The following KATNA1 variants were observed in gnomAD, a reference collection of about 807,000 sequenced individuals.
KATNA1 encodes the protein katanin p60 ATPase-containing subunit A1.
A neutral mutation model predicts 62.6 loss-of-function variants in KATNA1; 42 were observed. The ratio of observed to expected loss-of-function variants is 0.67; its 90% CI spans 0.52 to 0.87. The LOEUF (loss-of-function observed/expected upper bound fraction) is 0.87. Ranked by LOEUF, KATNA1 falls within the 40% of genes least tolerant of loss-of-function variation. The pLI, the probability that KATNA1 is intolerant of heterozygous loss-of-function variation, is 0.00. For missense variants in KATNA1, 498 were observed against 612.5 expected (o/e 0.81, Z 1.97); for synonymous variants, 186 against 201.9 (o/e 0.92, Z 0.67).
chr6:149,596,379 A>G (rs1367519411), intron 10 of KATNA1, among the ~76,000 whole-genome samples: 1 of 152,154 alleles, frequency 6.6e-6, no homozygotes, highest in Non-Finnish European at 1.5e-5. Context: ...TACTAAAAAT[A>G]CAAAAATTAG....
At chr6:149,639,989 T>C (rs1234410410) in intron 1 of KATNA1, among the ~76,000 whole-genome samples, 1 of 152,216 alleles carries the variant, frequency 6.6e-6, no homozygotes, top group Non-Finnish European at 1.5e-5. Flanking sequence ...AGAAGGCGTA[T>C]GTATTTTGAA....
At chr6:149,632,671 G>A (rs1277238035) in intron 3 of KATNA1, 88 bp downstream of exon 3, 3 of 1,114,592 alleles carry the variant, frequency 2.7e-6, no homozygotes, top group Non-Finnish European at 2.5e-6. Flanking sequence ...TCCCATTCCT[G>A]TCTCTCAGCC....
At chr6:149,629,304 G>T (rs1047460984) in intron 3 of KATNA1, among the ~76,000 whole-genome samples, 9 of 152,086 alleles carry the variant, frequency 5.9e-5, no homozygotes, top group Non-Finnish European at 1.0e-4. Flanking sequence ...TTAGGAGTAA[G>T]GAAGTAAGTA....
At position 149,633,068 on chromosome 6, in the gene KATNA1, A is replaced by T; in HGVS notation, c.163-152T>A. ...CAAGATATTCTATCAAAATGTTAATAACAGTTTATTAAATTTATGTTTTCA... is the reference window on the plus strand; with the variant it reads ...CAAGATATTCTATCAAAATGTTAATTACAGTTTATTAAATTTATGTTTTCA... On this transcript the variant is annotated intron_variant, in intron 2 of 10. Coordinates refer to ENST00000367411, the MANE Select transcript of KATNA1 (RefSeq NM_007044.4). The T allele has an allele frequency of 5.3e-6, 3 of 567,620 alleles. No homozygotes were observed. In the East Asian group the frequency reaches 1.0e-4, roughly 19 times the overall value. The allele number at this position is 567,620 out of a possible 1,614,324, so 35.2% of individuals were successfully genotyped here. A position where few individuals can be genotyped will look rare whatever the true frequency, so the allele number is the denominator to read the frequency against.
intron 4 of KATNA1, among the ~76,000 whole-genome samples, chr6:149,611,480 G>GAAAAAAAAAAAAAAAAAAAAAAAAA (rs1778954971): frequency 8.0e-6 from 1 of 125,508 alleles, no homozygotes; most frequent in Non-Finnish European, 1.7e-5. Flanking sequence ...AAAAAAAAAA[G>GAAAAAAAAAAAAAAAAAAAAAAAAA]AAAAAAGAAA....
chr6:149,598,529 C>T (rs1185721175), intron 7 of KATNA1, among the ~76,000 whole-genome samples, 179 bp from the exon 8 acceptor site: 1 of 151,890 alleles, frequency 6.6e-6, no homozygotes, highest in Non-Finnish European at 1.5e-5. Flanking sequence ...TCGAGACCAG[C>T]CTGGGCAACA....
intron 8 of KATNA1, 52 bp downstream of exon 8, chr6:149,598,172 A>G (rs999827580): frequency 1.2e-6 from 2 of 1,603,054 alleles, no homozygotes; most frequent in African/African-American, 1.3e-5. Context: ...AACTGGAGAC[A>G]CCACACCTAA....
Position 149,633,265 on chromosome 6 carries a change from G to A in KATNA1, c.163-349C>T, listed in dbSNP as rs189321254. 7.2e-3 allele frequency among the ~76,000 whole-genome samples: 1,087 copies of A among 151,608 alleles called. 13 individuals are homozygous for A. Among genetic ancestry groups the A allele is most frequent in the African/African-American group, 0.025 (1,025 of 41,354 alleles). ...TGGGACTACAGGCGCCCGCCACCAC[G>A]CCTGGCTAATTTTGTGTATTTTTAG... On this transcript the variant is annotated intron_variant, in intron 2 of 10. Transcript: ENST00000367411.
chr6:149,644,704 G>A (rs1780414756), intron 1 of KATNA1, among the ~76,000 whole-genome samples: 1 of 151,868 alleles, frequency 6.6e-6, no homozygotes, highest in African/African-American at 2.4e-5. Flanking sequence ...TTTTCTTGAG[G>A]GCCATGATTC....
Position 149,601,666 on chromosome 6 carries a change from A to G in KATNA1, c.816T>C (p.Asn272=). 2 of 1,613,056 alleles carry G rather than the reference A, an allele frequency of 1.2e-6. No homozygotes were observed. Among genetic ancestry groups the G allele is most frequent in the Non-Finnish European group, 1.7e-6 (2 of 1,179,682 alleles). Reference sequence around the variant, plus strand: ...TGGAAGTCAAAGTTGATGAAGAGACATTGAAGAATGTTGTCTTGCATTCTG... The same window carrying G: ...TGGAAGTCAAAGTTGATGAAGAGACGTTGAAGAATGTTGTCTTGCATTCTG... ...VATECKTTFF[N]VSSSTLTSKY... is the part of the protein sequence containing the mutation. The change falls in exon 7 of 11, where the codon AAT becomes AAC. Residue 272 remains asparagine, a synonymous_variant. Coordinates refer to ENST00000367411, the MANE Select transcript of KATNA1 (RefSeq NM_007044.4).
At chr6:149,647,521 CAAAAAAAAAAA>C (rs10719474) in intron 1 of KATNA1, among the ~76,000 whole-genome samples, 3 of 46,858 alleles carry the variant, frequency 6.4e-5, no homozygotes, top group Non-Finnish European at 8.2e-5. Context: ...GACTCCGTCT[CAAAAAAAAAAA>C]AAAAAAAAAA....
chr6:149,642,364 T>G (rs1473103823), intron 1 of KATNA1, among the ~76,000 whole-genome samples: 1 of 152,192 alleles, frequency 6.6e-6, no homozygotes. Flanking sequence ...TGCATGTATA[T>G]GTACATAGAC....
intron 4 of KATNA1, among the ~76,000 whole-genome samples, chr6:149,621,774 T>A (rs188499836): frequency 1.3e-5 from 2 of 151,562 alleles, no homozygotes; most frequent in Non-Finnish European, 2.9e-5. Flanking sequence ...ATTACAGGCA[T>A]GAGCCACCAT....
At chr6:149,617,701 G>A (rs1200775410) in intron 4 of KATNA1, among the ~76,000 whole-genome samples, 5 of 152,220 alleles carry the variant, frequency 3.3e-5, no homozygotes, top group African/African-American at 4.8e-5. Context: ...TTGGGAGGCC[G>A]AGGCAGGTGG....
intron 7 of KATNA1, among the ~76,000 whole-genome samples, chr6:149,598,733 AGAG>A (rs1379100821): frequency 7.7e-6 from 1 of 129,530 alleles, no homozygotes; most frequent in Non-Finnish European, 1.6e-5. Context: ...CTCTAAAACA[AGAG>A]GAAAGAAAGA....
chr6:149,604,615 G>A (rs758780157), intron 5 of KATNA1, 46 bp downstream of exon 5: 37 of 1,605,414 alleles, frequency 2.3e-5, no homozygotes, highest in Non-Finnish European at 2.8e-5. Flanking sequence ...TTTCCATTCC[G>A]AATAGCATCA....
At chr6:149,641,395 C>A (rs991599655) in intron 1 of KATNA1, among the ~76,000 whole-genome samples, 3 of 151,672 alleles carry the variant, frequency 2.0e-5, no homozygotes, top group Non-Finnish European at 2.9e-5. Flanking sequence ...CCAGGATGGT[C>A]TTAATCTCCT....
intron 4 of KATNA1, among the ~76,000 whole-genome samples, chr6:149,621,802 A>G (rs1468610329): frequency 6.6e-6 from 1 of 152,178 alleles, no homozygotes; most frequent in African/African-American, 2.4e-5. Context: ...CAAAAAAAAA[A>G]AATGAATAAT....
chr6:149,608,788 G>C (rs954118829), intron 4 of KATNA1, among the ~76,000 whole-genome samples: 1 of 152,140 alleles, frequency 6.6e-6, no homozygotes, highest in African/African-American at 2.4e-5. Context: ...AGCGTGTGGA[G>C]AACTTCCACC....
Sources: gnomAD v4.1 joint callset for allele counts (sites outside exome capture counted in the v4.1 genomes callset) on GRCh38, gnomAD v4.1.1 for gene constraint, MANE v1.5 for transcripts, NCBI Gene and HGNC (gene_info 2026-07-23, HGNC 2026-07-21) for gene names.